The following GALNT5 variants were observed in gnomAD, a reference collection of about 807,000 sequenced individuals.
GALNT5 encodes the protein UDP-GalNAc:polypeptide N-acetylgalactosaminyltransferase 5.
A neutral mutation model predicts 85.4 loss-of-function variants in GALNT5; 72 were observed. The ratio of observed to expected loss-of-function variants is 0.84; its 90% CI spans 0.70 to 1.03. The LOEUF (loss-of-function observed/expected upper bound fraction) is 1.03, where lower values mean the gene tolerates loss of function less well. GALNT5 is among the 50% of genes least tolerant of loss of function. The pLI is 0.00. For missense variants in GALNT5, 1,137 were observed against 1,135.5 expected, an observed-to-expected ratio of 1.00 and a Z score of -0.02; for synonymous variants, 404 against 397.0, an observed-to-expected ratio of 1.02 and a Z score of -0.21.
At chr2:157,276,484 T>A (rs1159121727) in intron 1 of GALNT5, among the ~76,000 whole-genome samples, 1 of 152,224 alleles carries the variant, frequency 6.6e-6, no homozygotes, top group Non-Finnish European at 1.5e-5. Context: ...GGTTATTAAT[T>A]ATTGCCTCAA....
intron 8 of GALNT5, among the ~76,000 whole-genome samples, chr2:157,307,527 G>A (rs1177467408): frequency 1.3e-5 from 2 of 151,996 alleles, no homozygotes; most frequent in Non-Finnish European, 2.9e-5. Flanking sequence ...TAATGTTCAC[G>A]TGAATCACCT....
chr2:157,276,346 G>A (rs1474897781), intron 1 of GALNT5, among the ~76,000 whole-genome samples: 1 of 152,194 alleles, frequency 6.6e-6, no homozygotes, highest in Non-Finnish European at 1.5e-5. Flanking sequence ...CATAAAATGA[G>A]TTAGGGAGGA....
At position 157,308,592 on chromosome 2, in the gene GALNT5, T is replaced by A; in HGVS notation, c.2546T>A (p.Leu849Ter). 1 of 1,613,240 alleles carries A rather than the reference T, an allele frequency of 6.2e-7. No individual in the cohort carries two copies. The highest frequency in any genetic ancestry group is 8.5e-7 in the Non-Finnish European group (1 of 1,179,650). Reference sequence around the variant, plus strand: ...CTTCAACAATTTAATTACACCTGGTTAAGACTTATTAAATGTGGAGAATGG... The same window carrying A: ...CTTCAACAATTTAATTACACCTGGTAAAGACTTATTAAATGTGGAGAATGG... ...KELQQFNYTW[L>*]RLIKCGEWCI... The change falls in exon 9 of 10, where the codon TTA becomes TAA. Residue 849 changes from leucine to a stop codon, truncating the protein, a stop_gained. Coordinates refer to ENST00000259056, the MANE Select transcript of GALNT5 (RefSeq NM_014568.3). LOFTEE classifies it high-confidence loss of function.
At chr2:157,260,764 C>A (rs1038366534) in intron 1 of GALNT5, among the ~76,000 whole-genome samples, 7 of 152,178 alleles carry the variant, frequency 4.6e-5, no homozygotes, top group African/African-American at 1.7e-4. Context: ...AGAAGAGTCT[C>A]TTCATTGTGA....
At chr2:157,287,321 A>G (rs776991411) in intron 3 of GALNT5, among the ~76,000 whole-genome samples, 13 of 152,230 alleles carry the variant, frequency 8.5e-5, no homozygotes, top group Non-Finnish European at 1.0e-4. Flanking sequence ...TTGCTTTTCT[A>G]TAATTCATTC....
rs1045450805 is a variant in GALNT5 at position 157,317,336 on chromosome 2, A to G, written c.*5988A>G. ...TTGTCTGCATCTGGCCTTCTGCACAAAAGTATCTCAAGTGAACTTACACTC... is the reference window on the plus strand; with the variant it reads ...TTGTCTGCATCTGGCCTTCTGCACAGAAGTATCTCAAGTGAACTTACACTC... On this transcript the variant is annotated 3_prime_UTR_variant, in exon 10 of 10. Transcript: ENST00000259056. Among the ~76,000 whole-genome samples, 6 of 152,026 alleles carry G rather than the reference A, an allele frequency of 3.9e-5. No homozygotes were observed. The highest frequency in any genetic ancestry group is 1.4e-4 in the African/African-American group (6 of 41,422).
chr2:157,313,086 A>C lies in GALNT5; in HGVS notation c.*1738A>C, dbSNP rs1438270971. The stretch of plus-strand genomic sequence containing the variant: ...ATATAATTGAAAACTGCAGATGAGT[A>C]AGAGAATGACTAGGAAATGAGATAC... On this transcript the variant is annotated 3_prime_UTR_variant, in exon 10 of 10. Coordinates refer to ENST00000259056, the MANE Select transcript of GALNT5 (RefSeq NM_014568.3). 2.0e-5 allele frequency: 3 copies of C among 152,204 alleles called. No individual in the cohort carries two copies. The highest frequency in any genetic ancestry group is 3.8e-4 in the East Asian group (2 of 5,206). 9.4% of individuals were successfully genotyped at this position (152,204 alleles called of 1,614,324 possible). A position where few individuals can be genotyped will look rare whatever the true frequency, so the allele number is the denominator to read the frequency against.
At chr2:157,280,415 C>A (rs1682830922) in intron 1 of GALNT5, among the ~76,000 whole-genome samples, 1 of 152,128 alleles carries the variant, frequency 6.6e-6, no homozygotes, top group African/African-American at 2.4e-5. Flanking sequence ...TTCAACAAGT[C>A]AAAGACTGCC....
intron 1 of GALNT5, 131 bp from the exon 2 acceptor site, chr2:157,284,147 TGATA>T (rs921785487): frequency 2.3e-5 from 15 of 663,278 alleles, no homozygotes; most frequent in Admixed American, 4.7e-5. Flanking sequence ...TATAAATAGA[TGATA>T]GATAGACCAG....
intron 1 of GALNT5, among the ~76,000 whole-genome samples, chr2:157,275,575 C>T (rs1433383385): frequency 3.9e-5 from 6 of 152,156 alleles, no homozygotes; most frequent in Admixed American, 3.3e-4. Context: ...GTATTTTATT[C>T]TCATTGTGGC....
chr2:157,274,160 T>C lies in GALNT5; in HGVS notation c.1455-10122T>C, dbSNP rs187280191. ...ACCTACAAAGGACATGAACTCATCATTTAGGGCTGCATAGTATTCCATGGT... is the reference window on the plus strand; with the variant it reads ...ACCTACAAAGGACATGAACTCATCACTTAGGGCTGCATAGTATTCCATGGT... On this transcript the variant is annotated intron_variant, in intron 1 of 9. Coordinates refer to ENST00000259056, the MANE Select transcript of GALNT5 (RefSeq NM_014568.3). Among the ~76,000 whole-genome samples, 3 of 152,334 alleles carry C rather than the reference T, an allele frequency of 2.0e-5. No individual in the cohort carries two copies. In the East Asian group the frequency reaches 5.8e-4, roughly 29 times the overall value.
chr2:157,317,199 T>TATATATATA lies in GALNT5; in HGVS notation c.*5851_*5852insATATATATA, dbSNP rs1491196830. ...GTATATATATATATATATATATATA[T>TATATATATA]TTTTTTTTTTGATGCTTTGATCTGG... is the stretch of plus-strand genomic sequence containing the variant. On this transcript the variant is annotated 3_prime_UTR_variant, in exon 10 of 10. Transcript: ENST00000259056. Among the ~76,000 whole-genome samples the TATATATATA allele has an allele frequency of 1.9e-5, 2 of 107,080 alleles. No homozygotes were observed. The highest frequency in any genetic ancestry group is 4.1e-5 in the African/African-American group (1 of 24,628). The allele number at this position is 107,080 out of a possible 152,430, so 70.2% of individuals were successfully genotyped here.
chr2:157,296,509 A>G lies in GALNT5; in HGVS notation c.1993A>G (p.Ile665Val). The change falls in exon 5 of 10, where the codon ATA (isoleucine) becomes GTA (valine). Residue 665 changes from isoleucine (I) to valine (V), a missense_variant. Coordinates refer to ENST00000259056, the MANE Select transcript of GALNT5 (RefSeq NM_014568.3). ...AKNRIKETDT[I>V]RCPVMAGGLF... ...AAACAGAATTAAAGAAACTGATACA[A>G]TAAGGTAAGTGTGGGAAATTTAAGA... The G allele has an allele frequency of 6.2e-7, 1 of 1,608,660 alleles. No homozygotes were observed. Among genetic ancestry groups the G allele is most frequent in the Non-Finnish European group, 8.5e-7 (1 of 1,175,664 alleles).
chr2:157,290,773 T>C (rs1174493676), intron 3 of GALNT5, among the ~76,000 whole-genome samples: 2 of 151,772 alleles, frequency 1.3e-5, no homozygotes, highest in Non-Finnish European at 2.9e-5. Context: ...GAAATAGAAG[T>C]CAGATGGCCT....
chr2:157,299,219 A>G (rs116229632), intron 5 of GALNT5: 1,691 of 164,908 alleles, frequency 0.01, 39 homozygotes, highest in African/African-American at 0.037. Context: ...GGGCTGGAAT[A>G]TATATATAAT....
rs1472113961 is a variant in GALNT5, at chr2:157,311,243, A to G, written c.2718A>G (p.Leu906=). The change falls in exon 10 of 10, where the codon TTA becomes TTG. Residue 906 remains leucine (L), a synonymous_variant. Coordinates refer to ENST00000259056, the MANE Select transcript of GALNT5 (RefSeq NM_014568.3). The stretch of plus-strand genomic sequence containing the variant: ...TTGTTTTTGAAAACAATCAGCAATT[A>G]TTATGCTTGGAAGGAAATTTTTCTC... ...NHIVFENNQQ[L]LCLEGNFSQK... is the part of the protein sequence containing the mutation. 6 of 1,610,878 alleles carry G rather than the reference A, an allele frequency of 3.7e-6. No homozygotes were observed. The South Asian group carries it at 6.6e-5, about 18-fold the overall frequency.
intron 1 of GALNT5, among the ~76,000 whole-genome samples, chr2:157,276,555 G>A (rs1276621885): frequency 6.6e-6 from 1 of 152,096 alleles, no homozygotes; most frequent in Non-Finnish European, 1.5e-5. Context: ...AGTCTTGGGA[G>A]GGTATATGTG....
At position 157,317,052 on chromosome 2, in the gene GALNT5, T is replaced by C. The variant is rs1394986857; in HGVS notation, c.*5704T>C. Among the ~76,000 whole-genome samples, 1 of 151,682 alleles carries C rather than the reference T, an allele frequency of 6.6e-6. No homozygotes were observed. The highest frequency in any genetic ancestry group is 6.6e-5 in the Admixed American group (1 of 15,218). ...TTTACCAGTTTAAGGATATTGGTCATAAGCATCTATATAATAAACCCTTTA... is the reference window on the plus strand; with the variant it reads ...TTTACCAGTTTAAGGATATTGGTCACAAGCATCTATATAATAAACCCTTTA... On this transcript the variant is annotated 3_prime_UTR_variant, in exon 10 of 10. Coordinates refer to ENST00000259056, the MANE Select transcript of GALNT5 (RefSeq NM_014568.3).
rs763256956 is a variant in GALNT5 at position 157,299,584 on chromosome 2, C to A, written c.2034C>A (p.Asp678Glu). The A allele has an allele frequency of 1.2e-6, 2 of 1,613,026 alleles. No individual in the cohort carries two copies. The highest frequency in any genetic ancestry group is 2.2e-5 in the East Asian group (1 of 44,854). ...TGGCTGGTGGATTGTTTTCTATTGACAAAAGTTACTTTTTTGAACTTGGAA... is the reference window on the plus strand; with the variant it reads ...TGGCTGGTGGATTGTTTTCTATTGAAAAAAGTTACTTTTTTGAACTTGGAA... The part of the protein sequence containing the change: ...PVMAGGLFSI[D>E]KSYFFELGTY... Residue 678 changes from aspartate (D) to glutamate (E), a missense_variant, in exon 6 of 10, where the codon GAC becomes GAA. Physicochemically the swap from Asp to Glu is conservative, Grantham distance 45. Transcript: ENST00000259056.
Sources: gnomAD v4.1 joint callset for allele counts (sites outside exome capture counted in the v4.1 genomes callset) on GRCh38, gnomAD v4.1.1 for gene constraint, MANE v1.5 for transcripts, NCBI Gene and HGNC (gene_info 2026-07-23, HGNC 2026-07-21) for gene names.